ZRANB3: variants seen among roughly 807,000 people sequenced by gnomAD.
ZRANB3 encodes the protein DNA annealing helicase and endonuclease ZRANB3.
A neutral mutation model predicts 133.8 loss-of-function variants in ZRANB3; 125 were observed. That is an observed-to-expected ratio of 0.93 (90% CI 0.81 to 1.08). The LOEUF is 1.08. Ranked by LOEUF, ZRANB3 falls within the 50% of genes least tolerant of loss-of-function variation. ZRANB3 has a pLI of 0.00. For missense variants in ZRANB3, 1,229 were observed against 1,275.5 expected (o/e 0.96, Z 0.56); for synonymous variants, 387 against 432.7 (o/e 0.89, Z 1.31).
chr2:135,327,218 C>T (rs1379009592), intron 6 of ZRANB3, among the ~76,000 whole-genome samples: 3 of 152,110 alleles, frequency 2.0e-5, no homozygotes, highest in African/African-American at 7.2e-5. Flanking sequence ...GAGGATCCAA[C>T]AGAGCAGAAT....
chr2:135,421,230 C>G (rs953194067), intron 2 of ZRANB3, among the ~76,000 whole-genome samples: 1 of 152,150 alleles, frequency 6.6e-6, no homozygotes, highest in African/African-American at 2.4e-5. Flanking sequence ...TTGTAAAATT[C>G]TGATAGAATT....
intron 2 of ZRANB3, among the ~76,000 whole-genome samples, chr2:135,437,697 C>T (rs1215682181): frequency 6.6e-6 from 1 of 152,040 alleles, no homozygotes; most frequent in Admixed American, 6.6e-5. Context: ...ACAAAATAAC[C>T]ACACTCTGAG....
intron 2 of ZRANB3, among the ~76,000 whole-genome samples, chr2:135,458,503 G>A (rs1277724797): frequency 2.0e-5 from 3 of 152,008 alleles, no homozygotes; most frequent in Non-Finnish European, 1.5e-5. Context: ...CAAAAAAGAT[G>A]TTACATTTAG....
At chr2:135,419,191 C>A (rs1422418564) in intron 2 of ZRANB3, among the ~76,000 whole-genome samples, 1 of 151,922 alleles carries the variant, frequency 6.6e-6, no homozygotes. Context: ...CCCGCCTCAA[C>A]CTCCCAAAAT....
intron 2 of ZRANB3, among the ~76,000 whole-genome samples, chr2:135,463,901 T>C (rs1032542440): frequency 2.0e-5 from 3 of 152,208 alleles, no homozygotes; most frequent in Non-Finnish European, 4.4e-5. Flanking sequence ...ATCAAGTACA[T>C]TGACCCTGAA....
At chr2:135,399,644 G>A (rs1280106098) in intron 2 of ZRANB3, among the ~76,000 whole-genome samples, 1 of 152,142 alleles carries the variant, frequency 6.6e-6, no homozygotes, top group African/African-American at 2.4e-5. Flanking sequence ...AAAATGTTTA[G>A]TATTGTTACT....
chr2:135,301,288 C>A (rs543323878), intron 8 of ZRANB3, among the ~76,000 whole-genome samples: 1 of 151,882 alleles, frequency 6.6e-6, no homozygotes, highest in African/African-American at 2.4e-5. Context: ...TGGGTTCAAG[C>A]AATTCTCCTG....
chr2:135,203,046 G>A (rs57097780), intron 19 of ZRANB3, 83 bp from the exon 20 acceptor site: 37,621 of 1,481,234 alleles, frequency 0.025, 1,371 homozygotes, highest in African/African-American at 0.16. Flanking sequence ...AATCATGTAT[G>A]TTTATACAGG....
At chr2:135,211,338 C>T (rs1465578571) in intron 17 of ZRANB3, among the ~76,000 whole-genome samples, 1 of 151,870 alleles carries the variant, frequency 6.6e-6, no homozygotes, top group Non-Finnish European at 1.5e-5. Context: ...GTCAGAAGTT[C>T]GAGACCAGAC....
intron 13 of ZRANB3, among the ~76,000 whole-genome samples, chr2:135,229,363 AAT>A (rs1383120540): frequency 7.3e-5 from 11 of 150,404 alleles, no homozygotes; most frequent in African/African-American, 2.7e-4. Context: ...TGTCAATGCC[AAT>A]ATTTTTTTTT....
At position 135,334,479 on chromosome 2, in the gene ZRANB3, C is replaced by A. The variant is rs563448599; in HGVS notation, c.677+11071G>T. On this transcript the variant is annotated intron_variant, in intron 6 of 20. Coordinates refer to ENST00000264159, the MANE Select transcript of ZRANB3 (RefSeq NM_032143.4). Reference sequence around the variant, plus strand: ...CTATATTAACTATTTCTCTCAGATTCGAACCATTTGCCAATGGAATAGACA... The same window carrying A: ...CTATATTAACTATTTCTCTCAGATTAGAACCATTTGCCAATGGAATAGACA... Among the ~76,000 whole-genome samples, 121 of 152,192 alleles carry A rather than the reference C, an allele frequency of 8.0e-4. 1 individual carries two copies. Among genetic ancestry groups the A allele is most frequent in the African/African-American group, 2.6e-3 (107 of 41,528 alleles).
chr2:135,408,301 C>T (rs1037880178), intron 2 of ZRANB3, among the ~76,000 whole-genome samples: 2 of 152,100 alleles, frequency 1.3e-5, no homozygotes, highest in East Asian at 1.9e-4. Context: ...GTTAGAATGG[C>T]GATCATTAAA....
At chr2:135,495,197 C>G (rs1375697663) in intron 2 of ZRANB3, among the ~76,000 whole-genome samples, 1 of 151,914 alleles carries the variant, frequency 6.6e-6, no homozygotes, top group African/African-American at 2.4e-5. Flanking sequence ...CATTGCACTC[C>G]AGCCTACGTG....
chr2:135,401,429 C>T (rs1247228193), intron 2 of ZRANB3, among the ~76,000 whole-genome samples: 1 of 152,126 alleles, frequency 6.6e-6, no homozygotes, highest in African/African-American at 2.4e-5. Flanking sequence ...TGTGGTAGAG[C>T]TTGCTGTTGC....
chr2:135,470,829 T>C (rs1366212545), intron 2 of ZRANB3, among the ~76,000 whole-genome samples: 1 of 146,710 alleles, frequency 6.8e-6, no homozygotes, highest in Non-Finnish European at 1.5e-5. Flanking sequence ...TGAGATGGAG[T>C]CTCACTCTGT....
intron 18 of ZRANB3, 110 bp from the exon 19 acceptor site, chr2:135,207,946 G>C: frequency 9.5e-7 from 1 of 1,057,618 alleles, no homozygotes; most frequent in Middle Eastern, 2.6e-4. Context: ...AGTAAACACA[G>C]ATCACAGTGT....
chr2:135,333,170 T>C (rs1266305584), intron 6 of ZRANB3, among the ~76,000 whole-genome samples: 1 of 152,196 alleles, frequency 6.6e-6, no homozygotes, highest in Non-Finnish European at 1.5e-5. Flanking sequence ...ACATCAACTT[T>C]CATGAAACCT....
intron 12 of ZRANB3, among the ~76,000 whole-genome samples, chr2:135,261,938 T>C (rs1179020413): frequency 6.6e-6 from 1 of 152,116 alleles, no homozygotes; most frequent in Non-Finnish European, 1.5e-5. Context: ...GGTGGGCAGA[T>C]TGCCTGAGCT....
chr2:135,309,733 CTT>C (rs2104819519), intron 8 of ZRANB3, among the ~76,000 whole-genome samples: 1 of 152,214 alleles, frequency 6.6e-6, no homozygotes, highest in East Asian at 1.9e-4. Context: ...GAACGATACT[CTT>C]TTCAGGGACC....
Sources: gnomAD v4.1 joint callset for allele counts (sites outside exome capture counted in the v4.1 genomes callset) on GRCh38, gnomAD v4.1.1 for gene constraint, MANE v1.5 for transcripts, NCBI Gene and HGNC (gene_info 2026-07-23, HGNC 2026-07-21) for gene names.